Variants in CPNE5 observed in about 807,000 individuals in gnomAD.
CPNE5 encodes the protein copine-5.
Under a neutral mutation model 81.1 loss-of-function variants are expected in CPNE5, and 42 were observed. That is an observed-to-expected ratio of 0.52 (90% confidence interval 0.40 to 0.67). The LOEUF is 0.67. Ranked by LOEUF, CPNE5 falls within the 30% of genes least tolerant of loss-of-function variation. The probability of loss-of-function intolerance (pLI) is 0.00; values close to 1 mark genes in which losing one functional copy is unlikely to be tolerated. For synonymous variants in CPNE5, 313 were observed against 321.5 expected (o/e 0.97, Z 0.28); for missense variants, 612 against 815.5 (o/e 0.75, Z 3.04).
chr6:36,784,617 C>A (rs990483483), intron 8 of CPNE5, among the ~76,000 whole-genome samples: 3 of 152,142 alleles, frequency 2.0e-5, no homozygotes, highest in African/African-American at 7.2e-5. Flanking sequence ...ACAGCCTCAG[C>A]CTGAGAGTCG....
chr6:36,786,697 C>A (rs183401300), intron 8 of CPNE5, among the ~76,000 whole-genome samples: 6 of 152,182 alleles, frequency 3.9e-5, no homozygotes, highest in Admixed American at 2.6e-4. Context: ...AAATAACATG[C>A]GGCTATTAAG....
intron 8 of CPNE5, among the ~76,000 whole-genome samples, chr6:36,785,046 T>G (rs1768403930): frequency 6.6e-6 from 1 of 152,160 alleles, no homozygotes; most frequent in African/African-American, 2.4e-5. Flanking sequence ...TATAATTTCC[T>G]ACAATTTCTG....
At chr6:36,836,902 C>T (rs111897919) in intron 1 of CPNE5, among the ~76,000 whole-genome samples, 4 of 152,310 alleles carry the variant, frequency 2.6e-5, no homozygotes, top group African/African-American at 9.6e-5. Context: ...CCACCAAAAC[C>T]CACTTCCCCC....
At chr6:36,753,294 G>A (rs1021182357) in intron 13 of CPNE5, among the ~76,000 whole-genome samples, 199 bp from the exon 14 acceptor site, 1 of 152,236 alleles carries the variant, frequency 6.6e-6, no homozygotes, top group African/African-American at 2.4e-5. Context: ...CAAAGAGGTG[G>A]TGCAATGTGC....
intron 4 of CPNE5, among the ~76,000 whole-genome samples, chr6:36,798,765 T>A (rs1769828511): frequency 6.6e-6 from 1 of 152,154 alleles, no homozygotes; most frequent in Admixed American, 6.5e-5. Context: ...TCACTGTATA[T>A]ATGTTATACC....
At position 36,746,410 on chromosome 6, in the gene CPNE5, G is replaced by A; in HGVS notation, c.1186C>T (p.His396Tyr). The change falls in exon 16 of 21, where the codon CAC (histidine) becomes TAC (tyrosine). Residue 396 changes from histidine (H) to tyrosine (Y), a missense_variant. Physicochemically the swap from His to Tyr is moderately conservative, Grantham distance 83. Coordinates refer to ENST00000244751, the MANE Select transcript of CPNE5 (RefSeq NM_020939.2). The surrounding 1 kb of genome is among the most constrained non-coding windows in gnomAD (Gnocchi z 4.5). The stretch of plus-strand genomic sequence containing the variant: ...GGACCACCTACCAGTGGGAACTCGT[G>A]GGACACTCTGCCATCCGGGGGCAGC... ...AKLPPDGRVSHEFPLNGNQEN... is the reference protein window; with the variant it reads ...AKLPPDGRVSYEFPLNGNQEN... The A allele has an allele frequency of 6.2e-7, 1 of 1,611,666 alleles. No individual in the cohort carries two copies. The highest frequency in any genetic ancestry group is 8.5e-7 in the Non-Finnish European group (1 of 1,178,962).
chr6:36,769,243 G>A (rs28417878), intron 10 of CPNE5, among the ~76,000 whole-genome samples: 3 of 152,072 alleles, frequency 2.0e-5, no homozygotes, highest in African/African-American at 7.2e-5. Context: ...TAATAATACC[G>A]TCATTCTACA....
rs186766061 is a variant in CPNE5, at chr6:36,825,713, G to A, written c.96-2615C>T. ...CACCGAGGCGGGCTGACTTCCCTGG[G>A]CCGACATTCTCATCCTGAAGTGTGC... On this transcript the variant is annotated intron_variant, in intron 1 of 20. Coordinates refer to ENST00000244751, the MANE Select transcript of CPNE5 (RefSeq NM_020939.2). 2.5e-3 allele frequency among the ~76,000 whole-genome samples: 378 copies of A among 152,268 alleles called. 2 individuals carry two copies. Among genetic ancestry groups the A allele is most frequent in the African/African-American group, 8.8e-3 (366 of 41,552 alleles).
chr6:36,802,595 CCTT>C (rs10531817), intron 3 of CPNE5, among the ~76,000 whole-genome samples: 29,833 of 152,052 alleles, frequency 0.2, 3,313 homozygotes, highest in Admixed American at 0.31. Context: ...GGGCATTAAT[CCTT>C]CTTAATAATC....
At chr6:36,769,296 C>T (rs1250027212) in intron 10 of CPNE5, among the ~76,000 whole-genome samples, 15 of 152,182 alleles carry the variant, frequency 9.9e-5, no homozygotes, top group Admixed American at 9.8e-4. Context: ...CTCCGTGAGT[C>T]ACACAGCTGG....
chr6:36,792,137 G>A (rs780571454), intron 7 of CPNE5, 41 bp from the exon 8 acceptor site: 1 of 1,588,934 alleles, frequency 6.3e-7, no homozygotes, highest in East Asian at 2.2e-5. Flanking sequence ...GCCAGACAAA[G>A]ACAGAGCCAT....
Position 36,742,384 on chromosome 6 carries a change from A to C in CPNE5, c.1666T>G (p.Ser556Ala), listed in dbSNP as rs759464670. 1.2e-6 allele frequency: 2 copies of C among 1,613,702 alleles called. No homozygotes were observed. The highest frequency in any genetic ancestry group is 2.2e-5 in the South Asian group (2 of 91,090). The stretch of plus-strand genomic sequence containing the variant: ...CGAATGCCCTGTGCCTTCATGTAGG[A>C]CACCAGTTGGTCAGGGATCTCTGCC... ...VLAEIPDQLV[S>A]YMKAQGIRPR... is the part of the protein sequence containing the mutation. Residue 556 changes from serine (S) to alanine (A), a missense_variant, in exon 21 of 21, where the codon TCC (serine) becomes GCC (alanine). Physicochemically the swap from Ser to Ala is moderately conservative, Grantham distance 99 (BLOSUM62 1). Coordinates refer to ENST00000244751, the MANE Select transcript of CPNE5 (RefSeq NM_020939.2).
At chr6:36,747,058 C>G (rs942047389) in intron 15 of CPNE5, among the ~76,000 whole-genome samples, 1 of 152,148 alleles carries the variant, frequency 6.6e-6, no homozygotes, top group Admixed American at 6.5e-5. Context: ...CCTCGCCATT[C>G]CCACCTCAGG....
At chr6:36,781,309 C>G (rs979012188) in intron 8 of CPNE5, among the ~76,000 whole-genome samples, 2 of 152,096 alleles carry the variant, frequency 1.3e-5, no homozygotes, top group African/African-American at 2.4e-5. Flanking sequence ...GACCTCAGGC[C>G]CTGAATAAAA....
chr6:36,800,682 A>G (rs1189961874), intron 3 of CPNE5, among the ~76,000 whole-genome samples: 1 of 152,194 alleles, frequency 6.6e-6, no homozygotes, highest in Non-Finnish European at 1.5e-5. Context: ...CTTGTACTGA[A>G]CAGAGTATCT....
intron 6 of CPNE5, 54 bp downstream of exon 6, chr6:36,798,111 A>T (rs1769759471): frequency 7.0e-7 from 1 of 1,421,604 alleles, no homozygotes. Flanking sequence ...GCCAGCCCCC[A>T]GCAGAATGGG....
At chr6:36,805,118 G>GA (rs892517509) in intron 3 of CPNE5, among the ~76,000 whole-genome samples, 6 of 151,332 alleles carry the variant, frequency 4.0e-5, no homozygotes, top group South Asian at 2.1e-4. Flanking sequence ...AAGAGACGTT[G>GA]AAAAAAAAAT....
rs993594933 is a variant in CPNE5 at position 36,742,008 on chromosome 6, G to A, written c.*260C>T. 8.0e-5 allele frequency: 38 copies of A among 476,824 alleles called. No homozygotes were observed. Among genetic ancestry groups the A allele is most frequent in the Middle Eastern group, 1.1e-3 (2 of 1,882 alleles). 29.5% of individuals were successfully genotyped at this position (476,824 alleles called of 1,614,324 possible). ...TTTACACCTTCCTGGCTGGGTTAGA[G>A]CCAGGTATTGGGGAAGAAGAGAAGG... On this transcript the variant is annotated 3_prime_UTR_variant, in exon 21 of 21. Coordinates refer to ENST00000244751, the MANE Select transcript of CPNE5 (RefSeq NM_020939.2).
intron 6 of CPNE5, among the ~76,000 whole-genome samples, chr6:36,797,819 T>A (rs1288562754): frequency 1.3e-5 from 2 of 152,174 alleles, no homozygotes; most frequent in East Asian, 3.9e-4. Flanking sequence ...CAGCTCTCCC[T>A]CTTCCTAGCT....
Sources: gnomAD v4.1 joint callset for allele counts (sites outside exome capture counted in the v4.1 genomes callset) on GRCh38, gnomAD v4.1.1 for gene constraint, Gnocchi (gnomAD v3.1) non-coding constraint, MANE v1.5 for transcripts, NCBI Gene and HGNC (gene_info 2026-07-23, HGNC 2026-07-21) for gene names.